The following AKAP9 variants were observed in gnomAD, a reference collection of about 807,000 sequenced individuals.
AKAP9 encodes the protein A-kinase anchor protein 9.
In AKAP9, 311 loss-of-function variants were observed where a neutral mutation model predicts 488.5. That is an observed-to-expected ratio of 0.64 (90% confidence interval 0.58 to 0.70). AKAP9 has a LOEUF of 0.70. AKAP9 is among the 30% of genes least tolerant of loss of function. The pLI, the probability that AKAP9 is intolerant of heterozygous loss-of-function variation, is 0.00. For synonymous variants in AKAP9, 1,462 were observed against 1,483.5 expected (o/e 0.99, Z 0.33); for missense variants, 4,215 against 4,374.5 (o/e 0.96, Z 1.03).
chr7:92,071,298 A>G (rs1026603378), intron 28 of AKAP9, among the ~76,000 whole-genome samples: 3 of 148,926 alleles, frequency 2.0e-5, no homozygotes, highest in African/African-American at 5.1e-5. Flanking sequence ...TAGAGGGTGG[A>G]GAGATATAGT....
chr7:91,985,483 A>G (rs549619603), intron 3 of AKAP9, among the ~76,000 whole-genome samples: 1 of 152,268 alleles, frequency 6.6e-6, no homozygotes, highest in South Asian at 2.1e-4. Context: ...CACGGTGGAT[A>G]AGCTTTTTGA....
chr7:92,058,731 G>C (rs1291307742), intron 22 of AKAP9, among the ~76,000 whole-genome samples: 1 of 151,994 alleles, frequency 6.6e-6, no homozygotes, highest in Non-Finnish European at 1.5e-5. Context: ...TTATATTTGA[G>C]AGACTCGGTA....
rs141039834 is a variant in AKAP9, at chr7:92,012,540, T to C, written c.3430T>C (p.Cys1144Arg). ...GGAAAATGAAAAAGATAAAGCTCTT[T>C]GCAGTCTTAAAGAAGAGCTTATTTT... ...YMENEKDKAL[C>R]SLKEELIFAQ... The change falls in exon 9 of 50, where the codon TGC becomes CGC. Residue 1144 changes from cysteine (C) to arginine (R), a missense_variant. By Grantham distance (180) the Cys-to-Arg change is radical. Transcript: ENST00000356239. 1.8e-4 allele frequency: 287 copies of C among 1,613,908 alleles called. 5 individuals carry two copies. The East Asian group carries it at 2.5e-3, about 14-fold the overall frequency.
chr7:92,103,643 T>C (rs1818002497), intron 46 of AKAP9, among the ~76,000 whole-genome samples: 1 of 145,726 alleles, frequency 6.9e-6, no homozygotes, highest in Admixed American at 7.0e-5. Context: ...TGCAGTGAGC[T>C]GAGATCGCGC....
At chr7:92,109,237 A>C (rs1354946724) in intron 49 of AKAP9, among the ~76,000 whole-genome samples, 1 of 152,214 alleles carries the variant, frequency 6.6e-6, no homozygotes, top group Non-Finnish European at 1.5e-5. Flanking sequence ...AAAAACAAAA[A>C]ACAAGTCATA....
chr7:92,011,228 A>G (rs948123976), intron 8 of AKAP9, among the ~76,000 whole-genome samples: 3 of 152,228 alleles, frequency 2.0e-5, no homozygotes, highest in Non-Finnish European at 4.4e-5. Context: ...CTATTTCAAC[A>G]TTGCTTTGTA....
At chr7:91,987,040 T>A (rs1329845380) in intron 3 of AKAP9, among the ~76,000 whole-genome samples, 1 of 152,148 alleles carries the variant, frequency 6.6e-6, no homozygotes, top group African/African-American at 2.4e-5. Flanking sequence ...CAGTTTCTTG[T>A]TAATGTTGGT....
chr7:91,963,529 T>C (rs923617688), intron 1 of AKAP9, among the ~76,000 whole-genome samples: 74 of 96,192 alleles, frequency 7.7e-4, no homozygotes, highest in African/African-American at 1.3e-3. Context: ...CACACACACA[T>C]ATTTTTGAGA....
chr7:91,990,716 T>C (rs1464438112), intron 3 of AKAP9, among the ~76,000 whole-genome samples: 1 of 152,160 alleles, frequency 6.6e-6, no homozygotes, highest in Non-Finnish European at 1.5e-5. Flanking sequence ...TATTACAAAC[T>C]GATAACTGAT....
intron 21 of AKAP9, among the ~76,000 whole-genome samples, chr7:92,048,448 A>G (rs1234046438): frequency 1.3e-5 from 2 of 152,230 alleles, no homozygotes; most frequent in African/African-American, 4.8e-5. Context: ...AATGAATATT[A>G]GATCAGTTCA....
At chr7:92,010,130 G>C (rs918745676) in intron 8 of AKAP9, among the ~76,000 whole-genome samples, 2 of 152,126 alleles carry the variant, frequency 1.3e-5, no homozygotes, top group Admixed American at 1.3e-4. Flanking sequence ...GGATTGGTCA[G>C]GGTGGTGGGA....
chr7:92,047,737 G>A (rs180857659), intron 21 of AKAP9, among the ~76,000 whole-genome samples: 1 of 152,162 alleles, frequency 6.6e-6, no homozygotes, highest in African/African-American at 2.4e-5. Context: ...TTATTTAACT[G>A]TTGACCGATT....
intron 35 of AKAP9, 150 bp from the exon 36 acceptor site, chr7:92,085,345 C>G (rs1814337716): frequency 2.7e-6 from 2 of 752,606 alleles, no homozygotes; most frequent in Admixed American, 2.2e-5. Context: ...GTTGGCTTAC[C>G]CCTCCACAGG....
At chr7:91,954,774 A>AT (rs1367084025) in intron 1 of AKAP9, among the ~76,000 whole-genome samples, 1 of 152,074 alleles carries the variant, frequency 6.6e-6, no homozygotes, top group Non-Finnish European at 1.5e-5. Flanking sequence ...AGGCCTCACT[A>AT]TTTTTTGTAA....
chr7:91,942,214 TAAAC>T (rs773560550), intron 1 of AKAP9, among the ~76,000 whole-genome samples: 1 of 152,184 alleles, frequency 6.6e-6, no homozygotes, highest in East Asian at 1.9e-4. Flanking sequence ...TCTCCTCACA[TAAAC>T]AAAGGAAACC....
chr7:92,041,004 A>ATT (rs34494828), intron 18 of AKAP9, 106 bp downstream of exon 18: 11,228 of 755,842 alleles, frequency 0.015, 24 homozygotes, highest in Middle Eastern at 0.039. Flanking sequence ...TGTAGCCATA[A>ATT]TTTTTTTTTT....
rs1813976431 is a variant in AKAP9 at position 92,083,572 on chromosome 7, A to C, written c.8563A>C (p.Arg2855=). Residue 2855 remains arginine (R), a synonymous_variant, in exon 33 of 50, where the codon AGG becomes CGG. Coordinates refer to ENST00000356239, the MANE Select transcript of AKAP9 (RefSeq NM_005751.5). ...TATTTCAGAAACTGAAACCTTAAAG[A>C]GGGAACACTATGTTGCCGTTCAGTT... ...RHISETETLK[R]EHYVAVQLLK... 6.2e-7 allele frequency: 1 copy of C among 1,602,688 alleles called. No homozygotes were observed.
chr7:92,022,417 T>G, intron 13 of AKAP9, 65 bp downstream of exon 13: 1 of 1,161,276 alleles, frequency 8.6e-7, no homozygotes, highest in Non-Finnish European at 1.3e-6. Flanking sequence ...TTTGCTTTTT[T>G]ACTTTAAAAT....
At chr7:92,050,063 C>CT (rs35146687) in intron 21 of AKAP9, among the ~76,000 whole-genome samples, 2,462 of 129,710 alleles carry the variant, frequency 0.019, 52 homozygotes, top group African/African-American at 0.045. Context: ...TTTCAGCAAA[C>CT]TTTTTTTTTT....
Sources: gnomAD v4.1 joint callset for allele counts (sites outside exome capture counted in the v4.1 genomes callset) on GRCh38, gnomAD v4.1.1 for gene constraint, MANE v1.5 for transcripts, NCBI Gene and HGNC (gene_info 2026-07-23, HGNC 2026-07-21) for gene names.